Variants in IL7 observed in about 807,000 individuals in gnomAD.
IL7 encodes the protein interleukin 7, also known as interleukin-7.
Under a neutral mutation model 21.6 loss-of-function variants are expected in IL7, and 3 were observed. The ratio of observed to expected loss-of-function variants is 0.14; its 90% CI spans 0.06 to 0.36. The LOEUF is 0.36. Ranked by LOEUF, IL7 falls within the 10% of genes least tolerant of loss-of-function variation. The pLI is 1.00. For missense variants in IL7, 175 were observed against 200.2 expected (o/e 0.87, Z 0.76); for synonymous variants, 62 against 68.1 (o/e 0.91, Z 0.44).
rs1438898899 is a variant in IL7, at chr8:78,740,052, G to T, written c.178C>A (p.Leu60Met). ...DSMKEIGSNC[L>M]NNEFNFFKRH... ...TTAAAAAAGTTAAATTCATTATTCAGGCAATTGCTACCAATTTCTTTCATG... is the reference window on the plus strand; with the variant it reads ...TTAAAAAAGTTAAATTCATTATTCATGCAATTGCTACCAATTTCTTTCATG... Residue 60 changes from leucine to methionine, a missense_variant, in exon 3 of 6, where the codon CTG (leucine) becomes ATG (methionine). Leu to Met is a conservative substitution (Grantham distance 15). Transcript: ENST00000263851. 3.3e-6 allele frequency: 5 copies of T among 1,533,030 alleles called. No individual in the cohort carries two copies. The highest frequency in any genetic ancestry group is 1.3e-5 in the South Asian group (1 of 76,132). 95.0% of individuals were successfully genotyped at this position (1,533,030 alleles called of 1,614,324 possible).
At chr8:78,710,112 G>A (rs150950022) in intron 3 of IL7, among the ~76,000 whole-genome samples, 54 of 152,212 alleles carry the variant, frequency 3.5e-4, no homozygotes, top group African/African-American at 1.1e-3. Flanking sequence ...TCAGCTATGA[G>A]TATTTTGAAG....
chr8:78,692,939 C>G (rs922565508), intron 3 of IL7, among the ~76,000 whole-genome samples: 3 of 151,974 alleles, frequency 2.0e-5, no homozygotes, highest in African/African-American at 7.3e-5. Context: ...TGTCCAAGTG[C>G]TCTCATTGTT....
intron 2 of IL7, among the ~76,000 whole-genome samples, chr8:78,783,127 G>C (rs1586101832): frequency 6.6e-6 from 1 of 152,132 alleles, no homozygotes; most frequent in South Asian, 2.1e-4. Flanking sequence ...CCATAGCGAT[G>C]GTGGCTACCC....
At position 78,697,335 on chromosome 8, in the gene IL7, G is replaced by C. The variant is rs142930491; in HGVS notation, n.215-11388C>G. ...AAATCCTAAACCCAAAGAATGTTAAGTTTTGAACCACTACTTTACAATCCA... is the reference window on the plus strand; with the variant it reads ...AAATCCTAAACCCAAAGAATGTTAACTTTTGAACCACTACTTTACAATCCA... On this transcript the variant is annotated intron_variant and non_coding_transcript_variant, in intron 3 of 4. Coordinates refer to the IL7 transcript ENST00000523959. 3.2e-6 allele frequency: 4 copies of C among 1,249,744 alleles called. No homozygotes were observed. In the African/African-American group the frequency reaches 6.1e-5, roughly 19 times the overall value. 77.4% of individuals were successfully genotyped at this position (1,249,744 alleles called of 1,614,324 possible).
rs1019461343 is a variant in IL7 at position 78,686,198 on chromosome 8, T to C, written n.215-251A>G. On this transcript the variant is annotated intron_variant and non_coding_transcript_variant, in intron 3 of 4. Transcript: ENST00000523959. The stretch of plus-strand genomic sequence containing the variant: ...GGAACATTGAACCACAGCAACAGTC[T>C]TAGTGGGAGGATAAATAGATGTAAC... Among the ~76,000 whole-genome samples, 4 of 152,118 alleles carry C rather than the reference T, an allele frequency of 2.6e-5. No homozygotes were observed. In the East Asian group the frequency reaches 7.7e-4, roughly 29 times the overall value.
intron 2 of IL7, among the ~76,000 whole-genome samples, chr8:78,756,108 C>T (rs528215043): frequency 6.6e-6 from 1 of 151,978 alleles, no homozygotes; most frequent in South Asian, 2.1e-4. Context: ...TTGTTCTTCA[C>T]TCTTTTGAAG....
intron 1 of IL7, among the ~76,000 whole-genome samples, chr8:78,804,696 C>T (rs879703275): frequency 6.6e-6 from 1 of 152,214 alleles, no homozygotes; most frequent in South Asian, 2.1e-4. Flanking sequence ...TCGCAGCCTG[C>T]CAGGGGCAGC....
chr8:78,736,892 C>T (rs1811612581), intron 4 of IL7, among the ~76,000 whole-genome samples: 1 of 151,938 alleles, frequency 6.6e-6, no homozygotes, highest in Admixed American at 6.6e-5. Context: ...AAATCCTGGC[C>T]ATACATTTTA....
intron 2 of IL7, among the ~76,000 whole-genome samples, chr8:78,741,503 C>A (rs1811778050): frequency 6.6e-6 from 1 of 152,142 alleles, no homozygotes; most frequent in African/African-American, 2.4e-5. Flanking sequence ...TCTTCCAATT[C>A]ACCAAAAATA....
At chr8:78,769,044 A>C (rs1206178170) in intron 2 of IL7, among the ~76,000 whole-genome samples, 1 of 152,180 alleles carries the variant, frequency 6.6e-6, no homozygotes, top group Non-Finnish European at 1.5e-5. Context: ...CAAAATCATA[A>C]GAGCTATCTA....
At chr8:78,757,196 C>T (rs1254338476) in intron 2 of IL7, among the ~76,000 whole-genome samples, 1 of 151,594 alleles carries the variant, frequency 6.6e-6, no homozygotes, top group South Asian at 2.1e-4. Context: ...GTACAGTTTC[C>T]AAAATTTCTC....
At chr8:78,712,646 C>T (rs1432436205) in intron 3 of IL7, among the ~76,000 whole-genome samples, 3 of 152,006 alleles carry the variant, frequency 2.0e-5, no homozygotes, top group Admixed American at 6.6e-5. Flanking sequence ...GAGTCAAGCT[C>T]GAGGAAGAGT....
At chr8:78,752,159 T>C (rs1042532185) in intron 2 of IL7, among the ~76,000 whole-genome samples, 1 of 152,224 alleles carries the variant, frequency 6.6e-6, no homozygotes, top group Non-Finnish European at 1.5e-5. Context: ...CTACATTTTC[T>C]TCATCCATTT....
chr8:78,794,896 C>G (rs940648037), intron 2 of IL7, among the ~76,000 whole-genome samples: 5 of 152,050 alleles, frequency 3.3e-5, no homozygotes, highest in African/African-American at 1.2e-4. Flanking sequence ...TATCCACACC[C>G]AAACCCAACA....
intron 1 of IL7, 145 bp downstream of exon 1, chr8:78,804,768 T>C (rs1166339900): frequency 5.8e-6 from 5 of 861,640 alleles, no homozygotes; most frequent in East Asian, 5.6e-5. Context: ...TGGCTGCCCA[T>C]GGGAGAGCCA....
At chr8:78,717,183 G>A, downstream of IL7, 1 of 683,290 alleles carries the variant, frequency 1.5e-6, no homozygotes, top group Non-Finnish European at 2.3e-6. Flanking sequence ...TTACTAACAA[G>A]GATTTTTTAA....
chr8:78,707,274 T>C (rs1043525594), intron 3 of IL7, among the ~76,000 whole-genome samples: 1 of 152,212 alleles, frequency 6.6e-6, no homozygotes, highest in Non-Finnish European at 1.5e-5. Context: ...ATTTTATCAG[T>C]TGGCAATATT....
intron 2 of IL7, among the ~76,000 whole-genome samples, chr8:78,749,797 C>T (rs1276438344): frequency 6.6e-6 from 1 of 151,868 alleles, no homozygotes; most frequent in Non-Finnish European, 1.5e-5. Flanking sequence ...ATAAAATAAG[C>T]CAGAGGTGGG....
intron 2 of IL7, among the ~76,000 whole-genome samples, chr8:78,757,523 C>A (rs887084338): frequency 4.6e-5 from 7 of 152,034 alleles, no homozygotes; most frequent in Admixed American, 6.6e-5. Context: ...GAGTCTATCT[C>A]TCTCTTTAGC....
Sources: gnomAD v4.1 joint callset for allele counts (sites outside exome capture counted in the v4.1 genomes callset) on GRCh38, gnomAD v4.1.1 for gene constraint, MANE v1.5 for transcripts, NCBI Gene and HGNC (gene_info 2026-07-23, HGNC 2026-07-21) for gene names.